The following GPR180 variants were observed in gnomAD, a reference collection of about 807,000 sequenced individuals.
GPR180 encodes the protein G protein-coupled receptor 180.
A neutral mutation model predicts 52.6 loss-of-function variants in GPR180; 53 were observed. The observed-to-expected ratio is 1.01, with a 90% CI of 0.81 to 1.27. GPR180 has a LOEUF of 1.27. Among genes scored for constraint, GPR180 ranks in the 50% most tolerant of loss-of-function variants. The probability of loss-of-function intolerance (pLI) is 0.00; values close to 1 mark genes in which losing one functional copy is unlikely to be tolerated. For synonymous variants in GPR180, 200 were observed against 193.1 expected (o/e 1.04, Z -0.30); for missense variants, 533 against 527.0 (o/e 1.01, Z -0.11).
In GPR180 at chr13:94,618,420, A is replaced by ATTTTTTTTTTTTTTTTTTTTTTTTT. The variant is rs570807308; in HGVS notation, c.506-707_506-706insTTTTTTTTTTTTTTTTTTTTTTTTT. 3.8e-4 allele frequency among the ~76,000 whole-genome samples: 33 copies of ATTTTTTTTTTTTTTTTTTTTTTTTT among 87,140 alleles called. 3 individuals carry two copies. Among genetic ancestry groups the ATTTTTTTTTTTTTTTTTTTTTTTTT allele is most frequent in the African/African-American group, 1.1e-3 (18 of 15,834 alleles). 57.2% of individuals were successfully genotyped at this position (87,140 alleles called of 152,430 possible). A position where few individuals can be genotyped will look rare whatever the true frequency, so the allele number is the denominator to read the frequency against. ...CATGGAGTCGCATGATCAGCACAGG[A>ATTTTTTTTTTTTTTTTTTTTTTTTT]TTTTTTTTTTTTTTTTTTTTTTTGG... On this transcript the variant is annotated intron_variant, in intron 3 of 8. Transcript: ENST00000376958.
At chr13:94,610,983 AC>A (rs1236297270) in intron 2 of GPR180, among the ~76,000 whole-genome samples, 3 of 152,246 alleles carry the variant, frequency 2.0e-5, no homozygotes, top group Admixed American at 2.0e-4. Flanking sequence ...TGTGACAGTT[AC>A]CATGCTAGGT....
intron 7 of GPR180, among the ~76,000 whole-genome samples, chr13:94,624,935 G>A (rs1440647509): frequency 4.6e-5 from 7 of 151,960 alleles, no homozygotes; most frequent in East Asian, 3.9e-4. Flanking sequence ...GGGGTCAAGC[G>A]ATTCTCCTGT....
At chr13:94,623,933 G>A (rs1274380497) in intron 7 of GPR180, among the ~76,000 whole-genome samples, 2 of 152,042 alleles carry the variant, frequency 1.3e-5, no homozygotes, top group Non-Finnish European at 2.9e-5. Flanking sequence ...ATATGGTTTG[G>A]ATTTCTCAAC....
chr13:94,604,717 A>G (rs1018132011), intron 1 of GPR180, among the ~76,000 whole-genome samples: 3 of 151,804 alleles, frequency 2.0e-5, no homozygotes, highest in Non-Finnish European at 4.4e-5. Flanking sequence ...CTGAGACTAC[A>G]GGCTCAGCCA....
At chr13:94,602,271 T>G (rs1889567345) in intron 1 of GPR180, among the ~76,000 whole-genome samples, 199 bp downstream of exon 1, 1 of 152,204 alleles carries the variant, frequency 6.6e-6, no homozygotes, top group Non-Finnish European at 1.5e-5. Flanking sequence ...GGTGCGGCTT[T>G]CCAGCCCCAG....
At position 94,629,342 on chromosome 13, in the gene GPR180, AT is replaced by A. The variant is rs1224721397; in HGVS notation, c.*2172del. On this transcript the variant is annotated 3_prime_UTR_variant, in exon 9 of 9. Transcript: ENST00000376958. ...TTTTACATTTTTTGAAAGAAGATAA[AT>A]GGTTCATCCAGAGCTTTATTAAGAA... 1.3e-5 allele frequency: 2 copies of A among 152,166 alleles called. 1 individual carries two copies. The highest frequency in any genetic ancestry group is 1.3e-4 in the Admixed American group (2 of 15,278). The allele number at this position is 152,166 out of a possible 1,614,324, so 9.4% of individuals were successfully genotyped here.
chr13:94,606,972 T>G (rs911873649), intron 2 of GPR180, among the ~76,000 whole-genome samples: 15 of 152,352 alleles, frequency 9.8e-5, no homozygotes, highest in African/African-American at 3.4e-4. Flanking sequence ...GTTGCACATA[T>G]GTGTAAAAGG....
chr13:94,603,945 T>TA (rs1045962577), intron 1 of GPR180, among the ~76,000 whole-genome samples: 2 of 152,104 alleles, frequency 1.3e-5, no homozygotes, highest in Non-Finnish European at 2.9e-5. Flanking sequence ...TCTTTTTTTT[T>TA]AAAAAGGAAG....
Position 94,612,301 on chromosome 13 carries a change from C to G in GPR180, c.416C>G (p.Ser139Cys). The G allele has an allele frequency of 6.2e-7, 1 of 1,613,834 alleles. No individual in the cohort carries two copies. The highest frequency in any genetic ancestry group is 8.5e-7 in the Non-Finnish European group (1 of 1,179,750). ...KYTCQDDKEN[S>C]QVEDIPFEMV... ...ACATGCCAAGATGACAAGGAGAATT[C>G]TCAGGTGGAAGATATCCCATTTGAA... Residue 139 changes from serine to cysteine, a missense_variant, in exon 3 of 9, where the codon TCT becomes TGT. Physicochemically the swap from Ser to Cys is moderately radical, Grantham distance 112 (BLOSUM62 -1). Coordinates refer to ENST00000376958, the MANE Select transcript of GPR180 (RefSeq NM_180989.6).
Position 94,602,004 on chromosome 13 carries a change from G to C in GPR180, c.77G>C (p.Arg26Pro). 6.8e-7 allele frequency: 1 copy of C among 1,476,096 alleles called. No individual in the cohort carries two copies. Among genetic ancestry groups the C allele is most frequent in the African/African-American group, 1.4e-5 (1 of 69,076 alleles). The allele number at this position is 1,476,096 out of a possible 1,614,324, so 91.4% of individuals were successfully genotyped here. A position where few individuals can be genotyped will look rare whatever the true frequency, so the allele number is the denominator to read the frequency against. The change falls in exon 1 of 9, where the codon CGG becomes CCG. Residue 26 changes from arginine to proline, a missense_variant. Physicochemically the swap from Arg to Pro is moderately radical, Grantham distance 103. Transcript: ENST00000376958. ...WPQGSQGKTL[R>P]GSFSSTAAQD... ...CAGGGCAGCCAGGGTAAGACCCTGC[G>C]GGGCAGCTTCAGCAGCACCGCGGCC...
At chr13:94,605,647 G>A (rs1889619841) in intron 2 of GPR180, 98 bp downstream of exon 2, 2 of 965,878 alleles carry the variant, frequency 2.1e-6, no homozygotes, top group Non-Finnish European at 3.0e-6. Context: ...TTTCCTGACA[G>A]CATAATCCCA....
chr13:94,614,943 C>G (rs1187495275), intron 3 of GPR180, among the ~76,000 whole-genome samples: 4 of 152,216 alleles, frequency 2.6e-5, no homozygotes, highest in Admixed American at 2.6e-4. Context: ...CTCTAAACAT[C>G]ACATCATTTT....
At chr13:94,612,973 T>C (rs1239366463) in intron 3 of GPR180, among the ~76,000 whole-genome samples, 1 of 152,206 alleles carries the variant, frequency 6.6e-6, no homozygotes. Flanking sequence ...GATGTACTCA[T>C]ATGAAATATT....
Position 94,632,686 on chromosome 13 carries a change from A to G in GPR180, c.*5515A>G, listed in dbSNP as rs1259911943. On this transcript the variant is annotated 3_prime_UTR_variant, in exon 9 of 9. Coordinates refer to ENST00000376958, the MANE Select transcript of GPR180 (RefSeq NM_180989.6). ...TTGGGATTTTCTAGGTGATGGAAGT[A>G]TCTTTGTTATTCATAGTGAGCTCTG... is the stretch of plus-strand genomic sequence containing the variant. The G allele has an allele frequency of 6.6e-6, 1 of 152,154 alleles. No homozygotes were observed. The highest frequency in any genetic ancestry group is 2.4e-5 in the African/African-American group (1 of 41,422). 9.4% of individuals were successfully genotyped at this position (152,154 alleles called of 1,614,324 possible). A position where few individuals can be genotyped will look rare whatever the true frequency, so the allele number is the denominator to read the frequency against.
intron 3 of GPR180, among the ~76,000 whole-genome samples, chr13:94,616,121 G>C (rs192816180): frequency 6.6e-6 from 1 of 152,194 alleles, no homozygotes. Context: ...ATGTCTAGAT[G>C]ATTGCAATAT....
intron 3 of GPR180, among the ~76,000 whole-genome samples, chr13:94,613,133 A>G (rs1312038615): frequency 6.6e-6 from 1 of 152,240 alleles, no homozygotes; most frequent in Admixed American, 6.5e-5. Context: ...TTTGTAGGCC[A>G]TCTGTCAAAG....
intron 3 of GPR180, among the ~76,000 whole-genome samples, chr13:94,615,332 A>G (rs1889763456): frequency 6.6e-6 from 1 of 152,370 alleles, no homozygotes; most frequent in South Asian, 2.1e-4. Context: ...ACAAGTAGGA[A>G]AAATTGATTT....
intron 2 of GPR180, among the ~76,000 whole-genome samples, chr13:94,609,605 G>A (rs192859512): frequency 6.6e-6 from 1 of 152,052 alleles, no homozygotes; most frequent in African/African-American, 2.4e-5. Flanking sequence ...ATATAATGAG[G>A]TCCGGATTAT....
At chr13:94,620,229 A>C (rs903261822) in intron 5 of GPR180, among the ~76,000 whole-genome samples, 2 of 152,138 alleles carry the variant, frequency 1.3e-5, no homozygotes, top group Non-Finnish European at 2.9e-5. Context: ...TTCCTATTAT[A>C]ATTCCACTCT....
Sources: allele counts gnomAD v4.1 joint callset (sites outside exome capture counted in the v4.1 genomes callset), GRCh38; gene constraint gnomAD v4.1.1; transcripts MANE v1.5; gene names NCBI Gene and HGNC (gene_info 2026-07-23, HGNC 2026-07-21).